SNX2: variants seen among roughly 807,000 people sequenced by gnomAD.
The protein encoded by SNX2 is sorting nexin 2.
In SNX2, 25 loss-of-function variants were observed where a neutral mutation model predicts 69.9. That is an observed-to-expected ratio of 0.36 (90% CI 0.26 to 0.50). The LOEUF is 0.50. Among genes scored for constraint, SNX2 ranks in the 20% least tolerant of loss-of-function variants. SNX2 has a pLI of 0.97. For synonymous variants in SNX2, 229 were observed against 200.4 expected, an observed-to-expected ratio of 1.14 and a Z score of -1.20; for missense variants, 551 against 613.3, an observed-to-expected ratio of 0.90 and a Z score of 1.07.
intron 1 of SNX2, among the ~76,000 whole-genome samples, chr5:122,777,863 C>G (rs200880238): frequency 6.6e-6 from 1 of 152,120 alleles, no homozygotes; most frequent in East Asian, 1.9e-4. Context: ...GCTCATCTAG[C>G]CCTTTGAAAA....
chr5:122,799,960 T>C (rs1390031797), intron 3 of SNX2, 105 bp downstream of exon 3: 3 of 890,242 alleles, frequency 3.4e-6, no homozygotes, highest in Non-Finnish European at 5.0e-6. Flanking sequence ...TTTAGACATT[T>C]TGGGAAAAGA....
At chr5:122,807,553 T>C (rs1037946242) in intron 6 of SNX2, among the ~76,000 whole-genome samples, 5 of 152,250 alleles carry the variant, frequency 3.3e-5, no homozygotes, top group African/African-American at 1.2e-4. Context: ...ATGTTCAAGG[T>C]TATTTCATGT....
intron 1 of SNX2, among the ~76,000 whole-genome samples, chr5:122,794,276 A>C (rs1296765575): frequency 6.6e-6 from 1 of 152,172 alleles, no homozygotes; most frequent in Middle Eastern, 3.2e-3. Flanking sequence ...GCACCATTGC[A>C]CTCCAGCCTG....
intron 2 of SNX2, among the ~76,000 whole-genome samples, chr5:122,796,584 C>G (rs955285200): frequency 6.6e-6 from 1 of 152,152 alleles, no homozygotes; most frequent in Admixed American, 6.5e-5. Flanking sequence ...TCCAGGCAAT[C>G]TTTCAAAGTT....
At chr5:122,827,821 GTTT>G (rs5871011) in intron 14 of SNX2, 175 bp downstream of exon 14, 934 of 445,860 alleles carry the variant, frequency 2.1e-3, no homozygotes, top group Non-Finnish European at 2.4e-3. Flanking sequence ...TATCTCACGT[GTTT>G]TTTTTTTTTT....
chr5:122,827,384 G>A lies in SNX2; in HGVS notation c.1362G>A (p.Glu454=). Residue 454 remains glutamate (E), a synonymous_variant, in exon 13 of 15, where the codon GAG becomes GAA. Transcript: ENST00000379516. ...TATTTCTTTGTTTTTATTAGTGGGAGGCGAAAGTGCAACAAGGGGAAAGAG... is the reference window on the plus strand; with the variant it reads ...TATTTCTTTGTTTTTATTAGTGGGAAGCGAAAGTGCAACAAGGGGAAAGAG... The part of the protein sequence containing the change: ...QQAKNEIREW[E]AKVQQGERDF... 1.9e-6 allele frequency: 3 copies of A among 1,612,962 alleles called. No individual in the cohort carries two copies. The highest frequency in any genetic ancestry group is 2.5e-6 in the Non-Finnish European group (3 of 1,179,240).
chr5:122,811,159 C>T lies in SNX2; in HGVS notation c.722+2804C>T, dbSNP rs184711062. ...TTCAATAGTATGATATTTACGTATTCGTTCAAACTTAGATAATCCAGATGA... is the reference window on the plus strand; with the variant it reads ...TTCAATAGTATGATATTTACGTATTTGTTCAAACTTAGATAATCCAGATGA... On this transcript the variant is annotated intron_variant, in intron 7 of 14. Transcript: ENST00000379516. 7.9e-5 allele frequency among the ~76,000 whole-genome samples: 12 copies of T among 152,188 alleles called. No homozygotes were observed. In the East Asian group the frequency reaches 1.2e-3, roughly 15 times the overall value.
At chr5:122,787,295 G>A (rs946688373) in intron 1 of SNX2, among the ~76,000 whole-genome samples, 1 of 152,146 alleles carries the variant, frequency 6.6e-6, no homozygotes, top group African/African-American at 2.4e-5. Context: ...CAAAGCAGGT[G>A]GATCACTTGA....
intron 1 of SNX2, among the ~76,000 whole-genome samples, chr5:122,781,572 A>G (rs1164833764): frequency 1.3e-5 from 2 of 152,186 alleles, no homozygotes; most frequent in African/African-American, 4.8e-5. Flanking sequence ...CTTAATTTTA[A>G]ATAAACTGCC....
chr5:122,826,283 C>A, intron 12 of SNX2, 90 bp downstream of exon 12: 2 of 1,065,984 alleles, frequency 1.9e-6, no homozygotes, highest in Non-Finnish European at 2.6e-6. Context: ...GTAAACCATT[C>A]AACACGTAGC....
intron 1 of SNX2, 72 bp downstream of exon 1, chr5:122,775,283 GTCCC>G (rs1752830595): frequency 1.4e-6 from 2 of 1,476,698 alleles, no homozygotes; most frequent in Non-Finnish European, 1.8e-6. Context: ...GCCCCGACTT[GTCCC>G]TCCCCATCCC....
In SNX2 at chr5:122,799,815, G is replaced by A. The variant is rs1177359651; in HGVS notation, c.350G>A (p.Ser117Asn). The A allele has an allele frequency of 1.9e-5, 30 of 1,613,206 alleles. No individual in the cohort carries two copies. Among genetic ancestry groups the A allele is most frequent in the Non-Finnish European group, 2.5e-5 (29 of 1,179,386 alleles). ...TLIAPRIESK[S>N]MSAPVIFDRS... is the part of the protein sequence containing the mutation. ...ATTGCTCCTAGAATTGAATCAAAGAGTATGTCTGCTCCCGTGATCTTTGAT... is the reference window on the plus strand; with the variant it reads ...ATTGCTCCTAGAATTGAATCAAAGAATATGTCTGCTCCCGTGATCTTTGAT... Residue 117 changes from serine to asparagine, a missense_variant, in exon 3 of 15, where the codon AGT becomes AAT. By Grantham distance (46) the Ser-to-Asn change is conservative. This residue lies in a region of SNX2 where 191 missense variants were observed against 162.9 expected (regional missense o/e 1.17). Coordinates refer to ENST00000379516, the MANE Select transcript of SNX2 (RefSeq NM_003100.4).
chr5:122,817,984 TG>T (rs1375566328), intron 10 of SNX2, among the ~76,000 whole-genome samples: 1 of 152,118 alleles, frequency 6.6e-6, no homozygotes, highest in Non-Finnish European at 1.5e-5. Flanking sequence ...AAATATCAAT[TG>T]TCTAAGACAT....
At chr5:122,818,242 T>C (rs1380399236) in intron 10 of SNX2, among the ~76,000 whole-genome samples, 1 of 152,166 alleles carries the variant, frequency 6.6e-6, no homozygotes, top group African/African-American at 2.4e-5. Context: ...TTTTCTTTAT[T>C]TGAAATATCT....
At chr5:122,785,346 C>A in intron 1 of SNX2, among the ~76,000 whole-genome samples, 1 of 151,606 alleles carries the variant, frequency 6.6e-6, no homozygotes, top group Admixed American at 6.6e-5. Flanking sequence ...GGGAGTCACA[C>A]TATGTTGCCC....
chr5:122,795,568 C>G (rs1031613972), intron 2 of SNX2, 185 bp downstream of exon 2: 2 of 467,790 alleles, frequency 4.3e-6, no homozygotes, highest in African/African-American at 4.0e-5. Context: ...TCCAGAGAAG[C>G]AAAAATGTGG....
intron 7 of SNX2, among the ~76,000 whole-genome samples, chr5:122,810,731 T>G (rs1036213419): frequency 6.6e-6 from 1 of 152,170 alleles, no homozygotes; most frequent in African/African-American, 2.4e-5. Context: ...GACACTTTCT[T>G]TACTGATAAA....
intron 1 of SNX2, among the ~76,000 whole-genome samples, chr5:122,788,665 T>G (rs952963908): frequency 2.6e-5 from 4 of 152,226 alleles, no homozygotes; most frequent in African/African-American, 9.6e-5. Flanking sequence ...TTCTCTTTGG[T>G]AACAGCTCAT....
chr5:122,814,753 T>TTTTTTTGG (rs11269917), intron 7 of SNX2, among the ~76,000 whole-genome samples: 2 of 151,010 alleles, frequency 1.3e-5, no homozygotes, highest in African/African-American at 4.9e-5. Flanking sequence ...GATAGCAGGT[T>TTTTTTTGG]TTTTTTTGTT....
Sources: allele counts gnomAD v4.1 joint callset (sites outside exome capture counted in the v4.1 genomes callset), GRCh38; gene constraint gnomAD v4.1.1; regional missense constraint gnomAD v4.1.1; transcripts MANE v1.5; gene names NCBI Gene and HGNC (gene_info 2026-07-23, HGNC 2026-07-21).